FBRSL1: variants seen among roughly 807,000 people sequenced by gnomAD.
The protein encoded by FBRSL1 is fibrosin-1-like protein.
FBRSL1 carries 51 observed loss-of-function variants against 89.6 expected under a neutral mutation model. That is an observed-to-expected ratio of 0.57 (90% CI 0.45 to 0.72). FBRSL1 has a LOEUF of 0.72. Among genes scored for constraint, FBRSL1 ranks in the 30% least tolerant of loss-of-function variants. The pLI is 0.00. For synonymous variants in FBRSL1, 779 were observed against 681.1 expected (o/e 1.14, Z -2.24); for missense variants, 1,618 against 1,451.8 (o/e 1.11, Z -1.86).
intron 6 of FBRSL1, among the ~76,000 whole-genome samples, chr12:132,568,214 G>A (rs984146488): frequency 9.9e-5 from 15 of 152,240 alleles, no homozygotes; most frequent in African/African-American, 2.4e-4. Context: ...CAGCATCTCC[G>A]GCAGGGCCAC....
intron 16 of FBRSL1, 92 bp from the exon 17 acceptor site, chr12:132,581,649 G>C: frequency 6.7e-7 from 1 of 1,491,282 alleles, no homozygotes; most frequent in Non-Finnish European, 9.1e-7. Context: ...GTACCCACCA[G>C]GCCCAAAGCC....
intron 15 of FBRSL1, among the ~76,000 whole-genome samples, chr12:132,579,112 C>T (rs1453555451): frequency 6.6e-6 from 1 of 152,272 alleles, no homozygotes; most frequent in East Asian, 1.9e-4. Flanking sequence ...ATTTGTCCTG[C>T]GAGGCTGGGC....
intron 5 of FBRSL1, chr12:132,551,651 G>C (rs1302958906): frequency 2.2e-6 from 1 of 451,272 alleles, no homozygotes; most frequent in African/African-American, 2.0e-5. Flanking sequence ...CTTTGGGACA[G>C]CCCTCCTCCA....
At chr12:132,551,336 C>T (rs1336504522) in intron 5 of FBRSL1, 1 of 446,220 alleles carries the variant, frequency 2.2e-6, no homozygotes, top group Non-Finnish European at 4.6e-6. Flanking sequence ...CCTGGCTGCT[C>T]CCGGTGGGCA....
In FBRSL1 at chr12:132,490,760, G is replaced by T; in HGVS notation, c.190G>T (p.Ala64Ser). The T allele has an allele frequency of 8.9e-7, 1 of 1,117,442 alleles. No homozygotes were observed. The highest frequency in any genetic ancestry group is 1.1e-6 in the Non-Finnish European group (1 of 919,262). The allele number at this position is 1,117,442 out of a possible 1,614,324, so 69.2% of individuals were successfully genotyped here. A position where few individuals can be genotyped will look rare whatever the true frequency, so the allele number is the denominator to read the frequency against. ...AGGCGCCGCCCCCGCGCCCCGCACC[G>T]CGCGTCCCCCGCGCCGCCGCCGCCG... Reference protein sequence around the residue: ...PRGAAPAPRTARPPRRRRRES... With the variant: ...PRGAAPAPRTSRPPRRRRRES... Residue 64 changes from alanine to serine, a missense_variant, in exon 1 of 19, where the codon GCG (alanine) becomes TCG (serine). Transcript: ENST00000680143.
chr12:132,566,703 T>C lies in FBRSL1; in HGVS notation c.646-778T>C, dbSNP rs534142307. Among the ~76,000 whole-genome samples the C allele has an allele frequency of 2.0e-5, 3 of 152,336 alleles. No homozygotes were observed. In the South Asian group the frequency reaches 6.2e-4, roughly 32 times the overall value. On this transcript the variant is annotated intron_variant, in intron 5 of 18. Coordinates refer to ENST00000680143, the MANE Select transcript of FBRSL1 (RefSeq NM_001367871.1). ...TCTCAGCAACACTGGGCACCAGGCCTAGAGCTTGGCCGGCCTGGGAGCATA... is the reference window on the plus strand; with the variant it reads ...TCTCAGCAACACTGGGCACCAGGCCCAGAGCTTGGCCGGCCTGGGAGCATA...
At chr12:132,500,355 G>A (rs1276746573) in intron 1 of FBRSL1, among the ~76,000 whole-genome samples, 3 of 152,140 alleles carry the variant, frequency 2.0e-5, no homozygotes, top group Non-Finnish European at 4.4e-5. Context: ...GCACAGAGCC[G>A]TGCAGTCACT....
intron 1 of FBRSL1, among the ~76,000 whole-genome samples, chr12:132,497,737 G>A (rs1413998797): frequency 6.6e-6 from 1 of 152,180 alleles, no homozygotes; most frequent in Admixed American, 6.5e-5. Flanking sequence ...ACCCCGGGCT[G>A]GGGATCTAAC....
chr12:132,582,907 CG>C (rs2040878530), intron 18 of FBRSL1, 63 bp from the exon 19 acceptor site: 2 of 1,277,550 alleles, frequency 1.6e-6, no homozygotes, highest in African/African-American at 3.2e-5. Flanking sequence ...GGGAACATCC[CG>C]GGGCTGCGCC....
intron 5 of FBRSL1, among the ~76,000 whole-genome samples, chr12:132,548,797 G>T (rs745457031): frequency 6.6e-6 from 1 of 152,238 alleles, no homozygotes; most frequent in African/African-American, 2.4e-5. Context: ...GGGGGTGAGG[G>T]CCCTGCCAGA....
intron 1 of FBRSL1, among the ~76,000 whole-genome samples, chr12:132,500,667 C>T (rs867520753): frequency 2.0e-5 from 3 of 152,118 alleles, no homozygotes; most frequent in Non-Finnish European, 2.9e-5. Flanking sequence ...CCATCCAGCC[C>T]GGGACAGCCC....
chr12:132,514,386 G>A (rs145564630), intron 2 of FBRSL1, among the ~76,000 whole-genome samples: 12 of 152,332 alleles, frequency 7.9e-5, no homozygotes, highest in East Asian at 1.9e-4. Context: ...CCTCCCTGGC[G>A]TCTTCCCAGG....
chr12:132,493,147 A>C (rs7137911), intron 1 of FBRSL1, among the ~76,000 whole-genome samples: 1 of 152,166 alleles, frequency 6.6e-6, no homozygotes, highest in East Asian at 1.9e-4. Context: ...GTCCGGCCTT[A>C]GAGTGAGCGG....
chr12:132,511,865 C>T, intron 2 of FBRSL1: 3 of 480,566 alleles, frequency 6.2e-6, no homozygotes, highest in Non-Finnish European at 8.0e-6. Context: ...TCCTCCGGTG[C>T]TCACCTGGGG....
In FBRSL1 at chr12:132,583,785, G is replaced by A; in HGVS notation, c.*7G>A. On this transcript the variant is annotated 3_prime_UTR_variant, in exon 19 of 19. Coordinates refer to ENST00000680143, the MANE Select transcript of FBRSL1 (RefSeq NM_001367871.1). Reference sequence around the variant, plus strand: ...GGAGGTGGAGGCGCGGTAGCCCCGGGGCCGCAGACGCCTCTCCGAGCGGAG... The same window carrying A: ...GGAGGTGGAGGCGCGGTAGCCCCGGAGCCGCAGACGCCTCTCCGAGCGGAG... 2.5e-6 allele frequency: 3 copies of A among 1,212,082 alleles called. No individual in the cohort carries two copies. The highest frequency in any genetic ancestry group is 1.6e-5 in the African/African-American group (1 of 63,800). The allele number at this position is 1,212,082 out of a possible 1,614,324, so 75.1% of individuals were successfully genotyped here.
At chr12:132,534,170 G>A (rs2036528354) in intron 4 of FBRSL1, among the ~76,000 whole-genome samples, 1 of 152,220 alleles carries the variant, frequency 6.6e-6, no homozygotes, top group Non-Finnish European at 1.5e-5. Flanking sequence ...AGGTCAGCAT[G>A]GGGGCAGCAG....
rs531871030 is a variant in FBRSL1 at position 132,495,779 on chromosome 12, G to A, written c.291+4918G>A. 2.6e-5 allele frequency among the ~76,000 whole-genome samples: 4 copies of A among 152,344 alleles called. No individual in the cohort carries two copies. In the South Asian group the frequency reaches 8.3e-4, roughly 32 times the overall value. ...TGAAAGCAGCGTCGCTGGCCCCTCG[G>A]TCCACGTGGGTGCCCGCCACCTGTC... On this transcript the variant is annotated intron_variant, in intron 1 of 18. Transcript: ENST00000680143.
chr12:132,555,460 G>A (rs1431269804), intron 5 of FBRSL1, among the ~76,000 whole-genome samples: 1 of 148,478 alleles, frequency 6.7e-6, no homozygotes, highest in Non-Finnish European at 1.5e-5. Context: ...GAGCGTGAGC[G>A]TGGCCTCCAC....
intron 1 of FBRSL1, among the ~76,000 whole-genome samples, chr12:132,495,417 C>T (rs1031927774): frequency 6.6e-6 from 1 of 152,238 alleles, no homozygotes; most frequent in African/African-American, 2.4e-5. Context: ...GCTGAGTTTG[C>T]CAGGGGCACT....
Sources: allele counts gnomAD v4.1 joint callset (sites outside exome capture counted in the v4.1 genomes callset), GRCh38; gene constraint gnomAD v4.1.1; transcripts MANE v1.5; gene names NCBI Gene and HGNC (gene_info 2026-07-23, HGNC 2026-07-21).